Variants in PCDHGA12 observed in about 807,000 individuals in gnomAD.
The protein encoded by PCDHGA12 is protocadherin gamma subfamily A, 12.
A neutral mutation model predicts 61.1 loss-of-function variants in PCDHGA12; 43 were observed. The ratio of observed to expected loss-of-function variants is 0.70; its 90% CI spans 0.55 to 0.91. The LOEUF (loss-of-function observed/expected upper bound fraction) is 0.91. Among genes scored for constraint, PCDHGA12 ranks in the 40% least tolerant of loss-of-function variants. The pLI is 0.00. For missense variants in PCDHGA12, 1,236 were observed against 1,227.7 expected (o/e 1.01, Z -0.10); for synonymous variants, 520 against 542.9 (o/e 0.96, Z 0.59).
In PCDHGA12 at chr5:141,433,028, G is replaced by C; in HGVS notation, c.2269G>C (p.Val757Leu). 1 of 1,614,116 alleles carries C rather than the reference G, an allele frequency of 6.2e-7. No individual in the cohort carries two copies. Among genetic ancestry groups the C allele is most frequent in the Non-Finnish European group, 8.5e-7 (1 of 1,180,030 alleles). ...TTTCCTGCAGACCTATTCCCACGAGGTTTCCCTCACCACGGACTCGCGGAA... is the reference window on the plus strand; with the variant it reads ...TTTCCTGCAGACCTATTCCCACGAGCTTTCCCTCACCACGGACTCGCGGAA... ...QAFLQTYSHEVSLTTDSRKSH... is the reference protein window; with the variant it reads ...QAFLQTYSHELSLTTDSRKSH... Residue 757 changes from valine to leucine, a missense_variant, in exon 1 of 4, where the codon GTT (valine) becomes CTT (leucine). Physicochemically the swap from Val to Leu is conservative, Grantham distance 32 (BLOSUM62 1). Coordinates refer to ENST00000252085, the MANE Select transcript of PCDHGA12 (RefSeq NM_003735.3).
chr5:141,485,619 G>A lies in PCDHGA12; in HGVS notation c.2425-9188G>A. On this transcript the variant is annotated intron_variant, in intron 1 of 3. Coordinates refer to ENST00000252085, the MANE Select transcript of PCDHGA12 (RefSeq NM_003735.3). This position sits in a 1 kb window ranked among gnomAD's most constrained non-coding sequence, Gnocchi z 5.7. ...GAAATTGGGGAGGCAGCTCCTCCAG[G>A]ACAGCGTTTCCCGTTGGAAAAGGCT... 3 of 1,612,234 alleles carry A rather than the reference G, an allele frequency of 1.9e-6. No homozygotes were observed. The highest frequency in any genetic ancestry group is 2.5e-6 in the Non-Finnish European group (3 of 1,178,678).
At position 141,476,015 on chromosome 5, in the gene PCDHGA12, C is replaced by A; in HGVS notation, c.2425-18792C>A. The A allele has an allele frequency of 7.4e-7, 1 of 1,344,728 alleles. No individual in the cohort carries two copies. The highest frequency in any genetic ancestry group is 1.0e-6 in the Non-Finnish European group (1 of 992,700). The allele number at this position is 1,344,728 out of a possible 1,614,324, so 83.3% of individuals were successfully genotyped here. A position where few individuals can be genotyped will look rare whatever the true frequency, so the allele number is the denominator to read the frequency against. ...ATCAACGGCATCCAGAAAGCCATGT[C>A]GGACTCGGCGCCCAGCGCCCAAGCG... On this transcript the variant is annotated intron_variant, in intron 1 of 3. Coordinates refer to ENST00000252085, the MANE Select transcript of PCDHGA12 (RefSeq NM_003735.3). This position sits in a 1 kb window ranked among gnomAD's most constrained non-coding sequence, Gnocchi z 7.6.
At chr5:141,466,993 T>G (rs2099133598) in intron 1 of PCDHGA12, among the ~76,000 whole-genome samples, 1 of 152,148 alleles carries the variant, frequency 6.6e-6, no homozygotes, top group African/African-American at 2.4e-5. Context: ...CCTTTTGGCA[T>G]TTTTTTGCAA....
At chr5:141,508,408 C>T (rs938019804) in intron 3 of PCDHGA12, 1 of 152,180 alleles carries the variant, frequency 6.6e-6, no homozygotes, top group Non-Finnish European at 1.5e-5. Context: ...GCTTGAGCCA[C>T]GCAGAGACTT....
chr5:141,466,203 C>G (rs1291051063), intron 1 of PCDHGA12, among the ~76,000 whole-genome samples: 1 of 151,914 alleles, frequency 6.6e-6, no homozygotes, highest in Non-Finnish European at 1.5e-5. Context: ...CACAGCCTTG[C>G]TCTGTTACCC....
At position 141,432,660 on chromosome 5, in the gene PCDHGA12, A is replaced by G; in HGVS notation, c.1901A>G (p.Asp634Gly). The G allele has an allele frequency of 6.2e-7, 1 of 1,613,768 alleles. No individual in the cohort carries two copies. Among genetic ancestry groups the G allele is most frequent in the African/African-American group, 1.3e-5 (1 of 75,026 alleles). ...GTGCGCACGGCGCGAGCCCTGCTGG[A>G]CAGAGACGCGCTCAAGCAGAGCCTC... Reference protein sequence around the residue: ...GEVRTARALLDRDALKQSLVV... With the variant: ...GEVRTARALLGRDALKQSLVV... Residue 634 changes from aspartate to glycine, a missense_variant, in exon 1 of 4, where the codon GAC becomes GGC. Coordinates refer to ENST00000252085, the MANE Select transcript of PCDHGA12 (RefSeq NM_003735.3). The surrounding 1 kb of genome is among the most constrained non-coding windows in gnomAD (Gnocchi z 6.0).
chr5:141,482,747 G>T lies in PCDHGA12; in HGVS notation c.2425-12060G>T, dbSNP rs182945398. On this transcript the variant is annotated intron_variant, in intron 1 of 3. Transcript: ENST00000252085. ...CATTGCAAGAAATTCCATGCAGAGG[G>T]ATTATGGTATTTCATTATCACTGAA... Among the ~76,000 whole-genome samples, 567 of 128,410 alleles carry T rather than the reference G, an allele frequency of 4.4e-3. 2 individuals carry two copies. The highest frequency in any genetic ancestry group is 0.019 in the African/African-American group (533 of 28,666). The allele number at this position is 128,410 out of a possible 152,430, so 84.2% of individuals were successfully genotyped here. A position where few individuals can be genotyped will look rare whatever the true frequency, so the allele number is the denominator to read the frequency against.
intron 1 of PCDHGA12, among the ~76,000 whole-genome samples, chr5:141,492,808 A>C (rs1261752522): frequency 6.6e-6 from 1 of 152,252 alleles, no homozygotes; most frequent in African/African-American, 2.4e-5. Flanking sequence ...CTGGGACTCC[A>C]GTGGCACCAG....
chr5:141,508,928 G>A (rs1475005703), intron 3 of PCDHGA12, among the ~76,000 whole-genome samples: 1 of 152,076 alleles, frequency 6.6e-6, no homozygotes, highest in East Asian at 1.9e-4. Flanking sequence ...TCCTTTTGGA[G>A]TTAATTAGGG....
chr5:141,500,571 C>T (rs1171231755), intron 2 of PCDHGA12, among the ~76,000 whole-genome samples: 1 of 152,196 alleles, frequency 6.6e-6, no homozygotes, highest in African/African-American at 2.4e-5. Context: ...GTCACACTTT[C>T]ATGTGACACT....
At position 141,497,103 on chromosome 5, in the gene PCDHGA12, T is replaced by C. The variant is rs182534106; in HGVS notation, c.2483+2238T>C. On this transcript the variant is annotated intron_variant, in intron 2 of 3. Transcript: ENST00000252085. ...ACTTAGGAGGCTGAGGCAGAACTGC[T>C]TGAACCCGGAAGGCAGAGGTTGCAG... Among the ~76,000 whole-genome samples, 34 of 152,160 alleles carry C rather than the reference T, an allele frequency of 2.2e-4. 1 individual carries two copies. Among genetic ancestry groups the C allele is most frequent in the Admixed American group, 6.6e-4 (10 of 15,264 alleles).
intron 1 of PCDHGA12, among the ~76,000 whole-genome samples, chr5:141,492,781 T>A (rs945023154): frequency 6.6e-6 from 1 of 152,194 alleles, no homozygotes; most frequent in African/African-American, 2.4e-5. Context: ...TGAGTGAGCC[T>A]CTATAGGACA....
Position 141,486,799 on chromosome 5 carries a change from C to A in PCDHGA12, c.2425-8008C>A. The A allele has an allele frequency of 6.2e-7, 1 of 1,614,220 alleles. No individual in the cohort carries two copies. Among genetic ancestry groups the A allele is most frequent in the African/African-American group, 1.3e-5 (1 of 75,060 alleles). ...AGGTGCAGGCCCGGGATCGGGGCAA[C>A]CCACCCCTTAGCAGCACTGTAACAG... On this transcript the variant is annotated intron_variant, in intron 1 of 3. Coordinates refer to ENST00000252085, the MANE Select transcript of PCDHGA12 (RefSeq NM_003735.3). This position sits in a 1 kb window ranked among gnomAD's most constrained non-coding sequence, Gnocchi z 5.0.
intron 2 of PCDHGA12, among the ~76,000 whole-genome samples, chr5:141,503,010 A>ATT (rs199924715): frequency 4.8e-5 from 7 of 146,772 alleles, no homozygotes; most frequent in East Asian, 2.0e-4. Context: ...TGCCCGGTTA[A>ATT]TTTTTTTTTT....
At chr5:141,505,574 C>T (rs1275802375) in intron 3 of PCDHGA12, 93 bp downstream of exon 3, 13 of 1,593,636 alleles carry the variant, frequency 8.2e-6, no homozygotes, top group Non-Finnish European at 1.1e-5. Context: ...GGATGTCAAA[C>T]CTGTGTAGTT....
chr5:141,504,496 G>C (rs2099838771), intron 2 of PCDHGA12, among the ~76,000 whole-genome samples: 1 of 152,100 alleles, frequency 6.6e-6, no homozygotes, highest in Non-Finnish European at 1.5e-5. Flanking sequence ...CACCTGCCCA[G>C]TCTGAGTGGA....
chr5:141,496,081 C>A (rs976166091), intron 2 of PCDHGA12, among the ~76,000 whole-genome samples: 1 of 152,060 alleles, frequency 6.6e-6, no homozygotes, highest in Non-Finnish European at 1.5e-5. Flanking sequence ...CACAACCCCC[C>A]ACCCACCACC....
intron 1 of PCDHGA12, chr5:141,441,551 T>C (rs2098254450): frequency 5.4e-6 from 1 of 184,050 alleles, no homozygotes; most frequent in African/African-American, 2.4e-5. Flanking sequence ...GCCTCCATAG[T>C]GTGCAAGTAG....
rs1309124846 is a variant in PCDHGA12, at chr5:141,491,295, T to C, written c.2425-3512T>C. On this transcript the variant is annotated intron_variant, in intron 1 of 3. Coordinates refer to ENST00000252085, the MANE Select transcript of PCDHGA12 (RefSeq NM_003735.3). This position sits in a 1 kb window ranked among gnomAD's most constrained non-coding sequence, Gnocchi z 6.9. ...CCAGTGACTTCCTCATACACCCTCC[T>C]GAGCGTTCAGACCTTACCCTTTACC... The C allele has an allele frequency of 6.2e-7, 1 of 1,614,176 alleles. No homozygotes were observed. Among genetic ancestry groups the C allele is most frequent in the Non-Finnish European group, 8.5e-7 (1 of 1,179,994 alleles).
Sources: allele counts gnomAD v4.1 joint callset (sites outside exome capture counted in the v4.1 genomes callset), GRCh38; gene constraint gnomAD v4.1.1; non-coding constraint Gnocchi (gnomAD v3.1); transcripts MANE v1.5; gene names NCBI Gene and HGNC (gene_info 2026-07-23, HGNC 2026-07-21).